DSG1: variants seen among roughly 807,000 people sequenced by gnomAD.
DSG1 encodes the protein desmoglein 1, also known as desmoglein-1.
A neutral mutation model predicts 97.5 loss-of-function variants in DSG1; 39 were observed. The ratio of observed to expected loss-of-function variants is 0.40; its 90% CI spans 0.31 to 0.52. The LOEUF (loss-of-function observed/expected upper bound fraction) is 0.52. DSG1 is among the 20% of genes least tolerant of loss of function. DSG1 has a pLI of 0.53. For missense variants in DSG1, 1,311 were observed against 1,295.4 expected, an observed-to-expected ratio of 1.01 and a Z score of -0.18; for synonymous variants, 475 against 443.4, an observed-to-expected ratio of 1.07 and a Z score of -0.90.
At chr18:31,352,259 G>C (rs1257274938) in intron 14 of DSG1, among the ~76,000 whole-genome samples, 1 of 150,940 alleles carries the variant, frequency 6.6e-6, no homozygotes, top group African/African-American at 2.5e-5. Context: ...GAAATTCTGG[G>C]TTGAAAATTC....
At chr18:31,342,044 C>T (rs2071793035) in intron 11 of DSG1, among the ~76,000 whole-genome samples, 1 of 152,026 alleles carries the variant, frequency 6.6e-6, no homozygotes, top group Non-Finnish European at 1.5e-5. Flanking sequence ...AGCGATTCTC[C>T]TGCCTCAGCC....
rs1834582 is a variant in DSG1 at position 31,318,238 on chromosome 18, A to G, written c.-63A>G. ...CAGACACCAGCTGAGTGGGAGAAAG[A>G]AAAAGAACAGAGAAGAACAAACAAA... On this transcript the variant is annotated 5_prime_UTR_variant, in exon 1 of 15. Transcript: ENST00000257192. The G allele has an allele frequency of 0.45, 645,328 of 1,422,986 alleles. 152,702 individuals carry two copies. The highest frequency in any genetic ancestry group is 0.48 in the Middle Eastern group (2,745 of 5,690). 88.1% of individuals were successfully genotyped at this position (1,422,986 alleles called of 1,614,324 possible).
chr18:31,335,865 A>T (rs1199736351), intron 8 of DSG1, among the ~76,000 whole-genome samples: 1 of 150,832 alleles, frequency 6.6e-6, no homozygotes, highest in African/African-American at 2.4e-5. Context: ...ATTACATTAT[A>T]TTATCTGATT....
At position 31,354,850 on chromosome 18, in the gene DSG1, A is replaced by C. The variant is rs772393565; in HGVS notation, c.2654A>C (p.Asp885Ala). 6.2e-7 allele frequency: 1 copy of C among 1,614,166 alleles called. No homozygotes were observed. The highest frequency in any genetic ancestry group is 8.5e-7 in the Non-Finnish European group (1 of 1,180,024). Reference protein sequence around the residue: ...ADLHGMLEMPDLRDGSNVIVT... With the variant: ...ADLHGMLEMPALRDGSNVIVT... ...TTGCATGGAATGTTAGAGATGCCTG[A>C]CTTGCGAGATGGGTCGAATGTTATA... is the stretch of plus-strand genomic sequence containing the variant. Residue 885 changes from aspartate (D) to alanine (A), a missense_variant, in exon 15 of 15, where the codon GAC becomes GCC. Physicochemically the swap from Asp to Ala is moderately radical, Grantham distance 126. Transcript: ENST00000257192.
At chr18:31,330,075 C>G (rs943681941) in intron 5 of DSG1, 39 bp downstream of exon 5, 1 of 1,609,948 alleles carries the variant, frequency 6.2e-7, no homozygotes, top group Non-Finnish European at 8.5e-7. Flanking sequence ...TCCTAACAGC[C>G]AGGCACCTAA....
chr18:31,323,976 C>CTTTTTTTTTTTTTTTT (rs1203163479), intron 1 of DSG1, among the ~76,000 whole-genome samples: 13 of 94,984 alleles, frequency 1.4e-4, no homozygotes, highest in Admixed American at 2.8e-4. Context: ...TCTCTCCTTC[C>CTTTTTTTTTTTTTTTT]TTTTTTTTTT....
chr18:31,346,325 TG>T, intron 14 of DSG1, 127 bp downstream of exon 14: 1 of 805,566 alleles, frequency 1.2e-6, no homozygotes, highest in Non-Finnish European at 2.2e-6. Context: ...TTAGTTTTTG[TG>T]CCCAACAATC....
chr18:31,337,837 T>C (rs1191571530), intron 9 of DSG1, among the ~76,000 whole-genome samples: 1 of 152,196 alleles, frequency 6.6e-6, no homozygotes, highest in Non-Finnish European at 1.5e-5. Flanking sequence ...AGGCCTTAGT[T>C]TGGAATTCAA....
rs535429388 is a variant in DSG1, at chr18:31,356,373, T to C, written c.*1027T>C. The C allele has an allele frequency of 3.3e-5, 5 of 151,938 alleles. No homozygotes were observed. In the South Asian group the frequency reaches 6.2e-4, roughly 19 times the overall value. The allele number at this position is 151,938 out of a possible 1,614,324, so 9.4% of individuals were successfully genotyped here. A position where few individuals can be genotyped will look rare whatever the true frequency, so the allele number is the denominator to read the frequency against. On this transcript the variant is annotated 3_prime_UTR_variant, in exon 15 of 15. Transcript: ENST00000257192. ...TTAAAATGATTTACATAGGCCGAGC[T>C]GTGGACAAAAAAAAAAGAAGCAGCA...
rs2071914056 is a variant in DSG1, at chr18:31,353,054, TAG to T, written c.2101-1240_2101-1239del. ...GGAGGAGGAGAGGTGCTCTGCTTTT[TAG>T]AGTTTCCAGTTTTTCTGTTCTGTTT... On this transcript the variant is annotated intron_variant, in intron 14 of 14. Coordinates refer to ENST00000257192, the MANE Select transcript of DSG1 (RefSeq NM_001942.4). 2.0e-5 allele frequency among the ~76,000 whole-genome samples: 3 copies of T among 148,656 alleles called. No individual in the cohort carries two copies. The South Asian group carries it at 6.4e-4, about 32-fold the overall frequency.
At chr18:31,347,770 G>T (rs1046411946) in intron 14 of DSG1, 10 of 152,042 alleles carry the variant, frequency 6.6e-5, no homozygotes, top group African/African-American at 2.4e-4. Context: ...TTGCTGTGCT[G>T]AAAAAGTCAT....
chr18:31,352,066 G>C (rs1479033953), intron 14 of DSG1, among the ~76,000 whole-genome samples: 7 of 151,680 alleles, frequency 4.6e-5, no homozygotes, highest in African/African-American at 1.7e-4. Context: ...TCCTAGTCTC[G>C]ATGGTCTTTA....
chr18:31,354,151 T>C, intron 14 of DSG1, 146 bp from the exon 15 acceptor site: 1 of 657,954 alleles, frequency 1.5e-6, no homozygotes, highest in South Asian at 1.9e-5. Context: ...TAAAATGATT[T>C]TTAGAGCATC....
At chr18:31,332,014 A>AT (rs1341741296) in intron 6 of DSG1, 147 bp downstream of exon 6, 1 of 734,548 alleles carries the variant, frequency 1.4e-6, no homozygotes, top group Non-Finnish European at 2.2e-6. Flanking sequence ...TGTAAGAAAT[A>AT]TTTTTTAAAT....
intron 4 of DSG1, among the ~76,000 whole-genome samples, chr18:31,329,031 C>A (rs1158499107): frequency 1.3e-5 from 2 of 152,244 alleles, no homozygotes; most frequent in East Asian, 3.9e-4. Flanking sequence ...CCATCCATCA[C>A]AAACTCCCAT....
chr18:31,337,094 A>T (rs939297125), intron 9 of DSG1, among the ~76,000 whole-genome samples: 1 of 152,234 alleles, frequency 6.6e-6, no homozygotes, highest in Non-Finnish European at 1.5e-5. Context: ...TACACCATGT[A>T]ATTTTTTAAA....
At chr18:31,321,823 T>G (rs192890995) in intron 1 of DSG1, among the ~76,000 whole-genome samples, 99 of 152,290 alleles carry the variant, frequency 6.5e-4, no homozygotes, top group African/African-American at 2.3e-3. Flanking sequence ...GGTAACTCTT[T>G]CTCCACAACA....
chr18:31,322,799 A>C (rs1053143972), intron 1 of DSG1, among the ~76,000 whole-genome samples: 1 of 152,258 alleles, frequency 6.6e-6, no homozygotes, highest in Non-Finnish European at 1.5e-5. Context: ...CACAATTATT[A>C]AATGCAAGAG....
At chr18:31,323,637 T>C (rs552341502) in intron 1 of DSG1, among the ~76,000 whole-genome samples, 1 of 152,124 alleles carries the variant, frequency 6.6e-6, no homozygotes, top group Admixed American at 6.5e-5. Context: ...GGTTACCCTC[T>C]CTCAAAAAAA....
Sources: gnomAD v4.1 joint callset for allele counts (sites outside exome capture counted in the v4.1 genomes callset) on GRCh38, gnomAD v4.1.1 for gene constraint, MANE v1.5 for transcripts, NCBI Gene and HGNC (gene_info 2026-07-23, HGNC 2026-07-21) for gene names.